The following SPTLC1 variants were observed in gnomAD, a reference collection of about 807,000 sequenced individuals.
SPTLC1 encodes serine palmitoyltransferase long chain base subunit 1.
SPTLC1 carries 55 observed loss-of-function variants against 68.9 expected under a neutral mutation model. The observed-to-expected ratio is 0.80, with a 90% CI of 0.64 to 1.00. The LOEUF is 1.00. Ranked by LOEUF, SPTLC1 falls within the 50% of genes least tolerant of loss-of-function variation. The probability of loss-of-function intolerance (pLI) is 0.00; values close to 1 mark genes in which losing one functional copy is unlikely to be tolerated. For missense variants in SPTLC1, 449 were observed against 573.1 expected (o/e 0.78, Z 2.21); for synonymous variants, 197 against 201.6 (o/e 0.98, Z 0.19).
At chr9:92,097,232 C>T (rs2118768256) in intron 3 of SPTLC1, among the ~76,000 whole-genome samples, 1 of 152,276 alleles carries the variant, frequency 6.6e-6, no homozygotes, top group East Asian at 1.9e-4. Flanking sequence ...TAAAATGATG[C>T]AACCACTTTG....
rs1835096985 is a variant in SPTLC1 at position 92,085,740 on chromosome 9, T to C, written c.261-4777A>G. On this transcript the variant is annotated intron_variant, in intron 3 of 14. Transcript: ENST00000262554. ...TCTGTTGATTTGGGGTGGAGAGTTC[T>C]GTAGATGTCTGTTAGGTCCCCTTGG... Among the ~76,000 whole-genome samples, 2 of 152,186 alleles carry C rather than the reference T, an allele frequency of 1.3e-5. 1 individual carries two copies. Among genetic ancestry groups the C allele is most frequent in the East Asian group, 3.8e-4 (2 of 5,198 alleles).
At chr9:92,054,781 C>A (rs550222633) in intron 8 of SPTLC1, among the ~76,000 whole-genome samples, 1 of 152,050 alleles carries the variant, frequency 6.6e-6, no homozygotes, top group Admixed American at 6.6e-5. Context: ...GGGGTGTCTG[C>A]GCACGCCTAT....
At chr9:92,095,190 T>C (rs182929976) in intron 3 of SPTLC1, among the ~76,000 whole-genome samples, 3 of 152,158 alleles carry the variant, frequency 2.0e-5, no homozygotes, top group Non-Finnish European at 4.4e-5. Context: ...AAAAAGTAGA[T>C]GAAGTGATGC....
chr9:92,107,536 A>G (rs892796347), intron 3 of SPTLC1, among the ~76,000 whole-genome samples: 2 of 152,234 alleles, frequency 1.3e-5, no homozygotes, highest in African/African-American at 4.8e-5. Flanking sequence ...GCGGATCACA[A>G]AGTCAGGAAA....
chr9:92,043,411 T>A (rs77519851), intron 12 of SPTLC1, among the ~76,000 whole-genome samples: 2 of 152,192 alleles, frequency 1.3e-5, no homozygotes, highest in Non-Finnish European at 2.9e-5. Flanking sequence ...TCCCTCACAC[T>A]TCAGACTTGT....
intron 3 of SPTLC1, among the ~76,000 whole-genome samples, chr9:92,087,350 T>G (rs1241472763): frequency 6.6e-6 from 1 of 152,222 alleles, no homozygotes; most frequent in Non-Finnish European, 1.5e-5. Flanking sequence ...TTTTCTGCTC[T>G]GTTTTTTCCC....
chr9:92,055,581 A>G, intron 7 of SPTLC1, 87 bp from the exon 8 acceptor site: 1 of 1,297,924 alleles, frequency 7.7e-7, no homozygotes, highest in Non-Finnish European at 1.1e-6. Flanking sequence ...TTCACCTTAC[A>G]AGATTTATTC....
chr9:92,048,225 A>G (rs946115382), intron 9 of SPTLC1, among the ~76,000 whole-genome samples: 1 of 152,166 alleles, frequency 6.6e-6, no homozygotes, highest in African/African-American at 2.4e-5. Flanking sequence ...AGAAGAACCT[A>G]ATGTGCTCTA....
In SPTLC1 at chr9:92,049,340, C is replaced by T. The variant is rs966210455; in HGVS notation, c.888+620G>A. ...ACAGCTGTTCAAGACTGGCTGACTT[C>T]CTCTGCCCTGAGGCTCCAGGAGCAA... On this transcript the variant is annotated intron_variant, in intron 9 of 14. Coordinates refer to ENST00000262554, the MANE Select transcript of SPTLC1 (RefSeq NM_006415.4). Among the ~76,000 whole-genome samples, 79 of 152,276 alleles carry T rather than the reference C, an allele frequency of 5.2e-4. 1 individual carries two copies. Among genetic ancestry groups the T allele is most frequent in the Non-Finnish European group, 4.9e-4 (33 of 68,028 alleles).
chr9:92,078,887 AG>A (rs1191204476), intron 5 of SPTLC1, among the ~76,000 whole-genome samples: 1 of 152,238 alleles, frequency 6.6e-6, no homozygotes, highest in African/African-American at 2.4e-5. Flanking sequence ...GGATAACATA[AG>A]GTGCTCCCTT....
intron 3 of SPTLC1, chr9:92,108,488 A>T (rs1055475661): frequency 2.3e-6 from 1 of 440,564 alleles, no homozygotes; most frequent in Admixed American, 3.7e-5. Context: ...GTGTTCGACC[A>T]TTGGAAATAT....
chr9:92,072,769 G>T (rs10761143), intron 5 of SPTLC1, among the ~76,000 whole-genome samples: 74,692 of 151,856 alleles, frequency 0.49, 22,162 homozygotes, highest in African/African-American at 0.84. Context: ...AGACAACTTC[G>T]GTTGCAAAAT....
chr9:92,035,535 G>T (rs910846809), intron 13 of SPTLC1, among the ~76,000 whole-genome samples: 7 of 152,244 alleles, frequency 4.6e-5, no homozygotes, highest in East Asian at 3.9e-4. Flanking sequence ...AGGCTACAGG[G>T]GTTTCTTTCT....
intron 3 of SPTLC1, among the ~76,000 whole-genome samples, chr9:92,087,010 T>C (rs1469812539): frequency 6.6e-6 from 1 of 152,248 alleles, no homozygotes; most frequent in Non-Finnish European, 1.5e-5. Flanking sequence ...CCATCGCTGA[T>C]ACCCTTTCTT....
At chr9:92,089,974 CACTA>C (rs1161063968) in intron 3 of SPTLC1, among the ~76,000 whole-genome samples, 3 of 152,298 alleles carry the variant, frequency 2.0e-5, no homozygotes, top group Non-Finnish European at 4.4e-5. Flanking sequence ...ACCTGTTACC[CACTA>C]ACTGTCATCC....
chr9:92,032,634 T>C lies in SPTLC1; in HGVS notation c.1329-76A>G, dbSNP rs971363406. 7.8e-5 allele frequency: 124 copies of C among 1,591,238 alleles called. No homozygotes were observed. In the Admixed American group the frequency reaches 1.3e-3, roughly 17 times the overall value. On this transcript the variant is annotated intron_variant, in intron 14 of 14. Transcript: ENST00000262554. ...GGCTCACGCCTGTAATCCCAGCACT[T>C]TGGAGGCCAAGGCAGGTGGATCACG... is the stretch of plus-strand genomic sequence containing the variant.
At chr9:92,066,697 A>C (rs1834295262) in intron 6 of SPTLC1, among the ~76,000 whole-genome samples, 1 of 152,238 alleles carries the variant, frequency 6.6e-6, no homozygotes, top group Non-Finnish European at 1.5e-5. Flanking sequence ...TACATTTTAA[A>C]AAGATTACTC....
At chr9:92,112,656 AC>A (rs1836295081) in intron 1 of SPTLC1, 94 bp from the exon 2 acceptor site, 1 of 775,422 alleles carries the variant, frequency 1.3e-6, no homozygotes, top group African/African-American at 1.7e-5. Context: ...GCCTCCTGTG[AC>A]TTTTAGCCTA....
chr9:92,059,120 T>A, intron 7 of SPTLC1, 59 bp downstream of exon 7: 1 of 1,587,374 alleles, frequency 6.3e-7, no homozygotes, highest in Admixed American at 1.7e-5. Context: ...ATTTCATATA[T>A]AATTTAGCTG....
Sources: allele counts gnomAD v4.1 joint callset (sites outside exome capture counted in the v4.1 genomes callset), GRCh38; gene constraint gnomAD v4.1.1; transcripts MANE v1.5; gene names NCBI Gene and HGNC (gene_info 2026-07-23, HGNC 2026-07-21).